Variants in DNMT1 observed in about 807,000 individuals in gnomAD.
DNMT1 encodes DNA (cytosine-5)-methyltransferase 1.
In DNMT1, 24 loss-of-function variants were observed where a neutral mutation model predicts 205.3. The observed-to-expected ratio is 0.12, with a 90% confidence interval of 0.08 to 0.16. The LOEUF is 0.16. Among genes scored for constraint, DNMT1 ranks in the 10% least tolerant of loss-of-function variants. The probability of loss-of-function intolerance (pLI) is 1.00; values close to 1 mark genes in which losing one functional copy is unlikely to be tolerated. For synonymous variants in DNMT1, 817 were observed against 839.8 expected (o/e 0.97, Z 0.47); for missense variants, 1,293 against 2,177.7 (o/e 0.59, Z 8.09).
At position 10,135,733 on chromosome 19, in the gene DNMT1, G is replaced by T; in HGVS notation, c.4773+3C>A. ...CAGACCCAGCGGGCGCCGCCCCACT[G>T]ACCTGCCGGTGCTTGTCCAGGATGT... On this transcript the variant is annotated splice_donor_region_variant and intron_variant, in intron 39 of 40. Transcript: ENST00000359526. 2 of 1,606,254 alleles carry T rather than the reference G, an allele frequency of 1.2e-6. No individual in the cohort carries two copies. Among genetic ancestry groups the T allele is most frequent in the South Asian group, 2.2e-5 (2 of 89,958 alleles).
chr19:10,147,905 G>A (rs986942871), intron 27 of DNMT1, among the ~76,000 whole-genome samples: 8 of 150,972 alleles, frequency 5.3e-5, no homozygotes, highest in Non-Finnish European at 1.0e-4. Flanking sequence ...CCTGAGGTCG[G>A]GAGTTCGAGA....
chr19:10,168,443 A>C (rs2145345377), intron 9 of DNMT1, 79 bp from the exon 10 acceptor site: 4 of 1,449,166 alleles, frequency 2.8e-6, no homozygotes, highest in Admixed American at 3.4e-5. Context: ...TATGGAAATA[A>C]AACACCTGAA....
At chr19:10,162,202 G>A (rs920816527) in intron 13 of DNMT1, among the ~76,000 whole-genome samples, 4 of 150,288 alleles carry the variant, frequency 2.7e-5, no homozygotes, top group African/African-American at 9.8e-5. Context: ...ACAGTGGCAC[G>A]ATCTCAGCTC....
At chr19:10,145,575 C>T (rs777335794) in intron 28 of DNMT1, among the ~76,000 whole-genome samples, 1 of 152,224 alleles carries the variant, frequency 6.6e-6, no homozygotes, top group Non-Finnish European at 1.5e-5. Flanking sequence ...GGAAGAGCCT[C>T]GATCCTCTGA....
At chr19:10,171,937 G>A (rs931497179) in intron 9 of DNMT1, among the ~76,000 whole-genome samples, 4 of 151,902 alleles carry the variant, frequency 2.6e-5, no homozygotes, top group Admixed American at 2.6e-4. Context: ...AACCTGGGAG[G>A]CGGAGGTTGC....
intron 1 of DNMT1, among the ~76,000 whole-genome samples, chr19:10,191,501 G>A (rs1446791172): frequency 1.3e-5 from 2 of 152,038 alleles, no homozygotes; most frequent in Non-Finnish European, 2.9e-5. Flanking sequence ...TGGAACCCAG[G>A]GTCAGTGGTG....
chr19:10,137,557 C>A lies in DNMT1; in HGVS notation c.4293+275G>T. 1.6e-6 allele frequency: 1 copy of A among 641,180 alleles called. No homozygotes were observed. The highest frequency in any genetic ancestry group is 2.7e-6 in the Non-Finnish European group (1 of 371,034). 39.7% of individuals were successfully genotyped at this position (641,180 alleles called of 1,614,324 possible). ...TGGTGAAAGGGCTGGTCTTGGCATC[C>A]TGGGAAAACATGCGGGGAGAGGCAG... On this transcript the variant is annotated intron_variant, in intron 36 of 40. Coordinates refer to ENST00000359526, the MANE Select transcript of DNMT1 (RefSeq NM_001130823.3). The surrounding 1 kb of genome is among the most constrained non-coding windows in gnomAD (Gnocchi z 6.4).
At position 10,140,165 on chromosome 19, in the gene DNMT1, C is replaced by T. The variant is rs2089573477; in HGVS notation, c.3687G>A (p.Gln1229=). ...TTNSRGQRLP[Q]KGDVEMLCGG... The stretch of plus-strand genomic sequence containing the variant: ...CGCACAGCATCTCCACGTCTCCCTT[C>T]TGGGGCAGCCGCTGGCCGCGGGAGT... The change falls in exon 33 of 41, where the codon CAG becomes CAA. Residue 1229 remains glutamine, a synonymous_variant. Transcript: ENST00000359526. This position sits in a 1 kb window ranked among gnomAD's most constrained non-coding sequence, Gnocchi z 8.4. The T allele has an allele frequency of 6.2e-7, 1 of 1,613,710 alleles. No individual in the cohort carries two copies. Among genetic ancestry groups the T allele is most frequent in the Non-Finnish European group, 8.5e-7 (1 of 1,180,050 alleles).
At chr19:10,189,606 G>T (rs1461771284) in intron 1 of DNMT1, among the ~76,000 whole-genome samples, 1 of 150,932 alleles carries the variant, frequency 6.6e-6, no homozygotes, top group African/African-American at 2.4e-5. Flanking sequence ...TTTGAGATGG[G>T]GGGGGTCTTC....
chr19:10,165,099 C>T (rs915966679), intron 11 of DNMT1, among the ~76,000 whole-genome samples: 4 of 151,616 alleles, frequency 2.6e-5, no homozygotes, highest in African/African-American at 7.3e-5. Context: ...AACCCTATCT[C>T]TACAAAAAAT....
Position 10,175,584 on chromosome 19 carries a change from T to C in DNMT1, c.604A>G (p.Arg202Gly), listed in dbSNP as rs1208887534. ...TTGATGGACTCATCCGATTTGGCTCTTTCAGACTCTTCCTGAGGTTTCCGT... is the reference window on the plus strand; with the variant it reads ...TTGATGGACTCATCCGATTTGGCTCCTTCAGACTCTTCCTGAGGTTTCCGT... ...AKRKPQEESE[R>G]AKSDESIKEE... The change falls in exon 7 of 41, where the codon AGA becomes GGA. Residue 202 changes from arginine to glycine, a missense_variant. Coordinates refer to ENST00000359526, the MANE Select transcript of DNMT1 (RefSeq NM_001130823.3). 6.2e-7 allele frequency: 1 copy of C among 1,614,122 alleles called. No homozygotes were observed. The highest frequency in any genetic ancestry group is 8.5e-7 in the Non-Finnish European group (1 of 1,179,994).
intron 1 of DNMT1, among the ~76,000 whole-genome samples, chr19:10,192,117 C>T (rs1448131371): frequency 6.6e-6 from 1 of 152,002 alleles, no homozygotes; most frequent in Non-Finnish European, 1.5e-5. Flanking sequence ...AGCCACCGCG[C>T]CCAGCCTTCT....
At chr19:10,161,224 G>T (rs2038562565) in intron 13 of DNMT1, among the ~76,000 whole-genome samples, 1 of 152,150 alleles carries the variant, frequency 6.6e-6, no homozygotes, top group South Asian at 2.1e-4. Context: ...AGAATAGCTT[G>T]AACCAGGGAG....
Position 10,146,122 on chromosome 19 carries a change from C to T in DNMT1, c.2894+229G>A, listed in dbSNP as rs960238617. Among the ~76,000 whole-genome samples, 2 of 152,194 alleles carry T rather than the reference C, an allele frequency of 1.3e-5. No individual in the cohort carries two copies. Among genetic ancestry groups the T allele is most frequent in the South Asian group, 2.1e-4 (1 of 4,828 alleles). On this transcript the variant is annotated intron_variant, in intron 28 of 40. Coordinates refer to ENST00000359526, the MANE Select transcript of DNMT1 (RefSeq NM_001130823.3). This position sits in a 1 kb window ranked among gnomAD's most constrained non-coding sequence, Gnocchi z 4.4. ...CTGGGATTACAGGCGTGAGAAACCA[C>T]ACCCAGCCAAACCAGCGAGTTGACT...
chr19:10,164,270 A>T (rs1025551144), intron 11 of DNMT1, among the ~76,000 whole-genome samples: 10 of 152,020 alleles, frequency 6.6e-5, no homozygotes, highest in Non-Finnish European at 1.3e-4. Context: ...CGGCCTCTCT[A>T]GTAGCTGGGA....
At chr19:10,190,826 CA>C (rs1270845597) in intron 1 of DNMT1, among the ~76,000 whole-genome samples, 13 of 147,872 alleles carry the variant, frequency 8.8e-5, no homozygotes, top group African/African-American at 3.2e-4. Flanking sequence ...AAAATAAAAA[CA>C]ATGAACCGGC....
intron 34 of DNMT1, among the ~76,000 whole-genome samples, chr19:10,139,400 G>A (rs1448387401): frequency 1.3e-5 from 2 of 152,244 alleles, no homozygotes; most frequent in African/African-American, 2.4e-5. Context: ...TCGAGGGAAA[G>A]GAGCCAGGAG....
chr19:10,176,271 C>T (rs1261710669), intron 6 of DNMT1, among the ~76,000 whole-genome samples: 1 of 152,102 alleles, frequency 6.6e-6, no homozygotes, highest in Non-Finnish European at 1.5e-5. Context: ...ACCTGTGGAA[C>T]ACCACAAGGA....
Position 10,155,019 on chromosome 19 carries a change from C to T in DNMT1, c.1530G>A (p.Glu510=), listed in dbSNP as rs561762200. The stretch of plus-strand genomic sequence containing the variant: ...GCATCAGCCCAAATATGGGCGCATA[C>T]TCGGGACTGGGATCCATCAGAATGT... ...AEYILMDPSP[E]YAPIFGLMQE... The change falls in exon 20 of 41, where the codon GAG becomes GAA. Residue 510 remains glutamate, a synonymous_variant. Coordinates refer to ENST00000359526, the MANE Select transcript of DNMT1 (RefSeq NM_001130823.3). The T allele has an allele frequency of 3.7e-6, 6 of 1,614,052 alleles. No individual in the cohort carries two copies. Among genetic ancestry groups the T allele is most frequent in the Middle Eastern group, 3.3e-4 (2 of 6,078 alleles).
Sources: gnomAD v4.1 joint callset for allele counts (sites outside exome capture counted in the v4.1 genomes callset) on GRCh38, gnomAD v4.1.1 for gene constraint, Gnocchi (gnomAD v3.1) non-coding constraint, MANE v1.5 for transcripts, NCBI Gene and HGNC (gene_info 2026-07-23, HGNC 2026-07-21) for gene names.